Variants in PTPRZ1 observed in about 807,000 individuals in gnomAD.
PTPRZ1 encodes the protein protein tyrosine phosphatase receptor type Z1, also known as receptor-type tyrosine-protein phosphatase zeta.
PTPRZ1 carries 82 observed loss-of-function variants against 214.1 expected under a neutral mutation model. The observed-to-expected ratio is 0.38, with a 90% CI of 0.32 to 0.46. The LOEUF is 0.46. Ranked by LOEUF, PTPRZ1 falls within the 20% of genes least tolerant of loss-of-function variation. The pLI is 1.00. For missense variants in PTPRZ1, 2,603 were observed against 2,748.7 expected (o/e 0.95, Z 1.19); for synonymous variants, 945 against 987.9 (o/e 0.96, Z 0.81).
At chr7:121,976,746 G>T (rs1372702599) in intron 5 of PTPRZ1, 39 bp from the exon 6 acceptor site, 9 of 1,452,866 alleles carry the variant, frequency 6.2e-6, no homozygotes, top group Non-Finnish European at 8.5e-6. Flanking sequence ...TTATCCAAAT[G>T]TTTTATTCTT....
chr7:121,922,924 C>T (rs1367804295), intron 1 of PTPRZ1, among the ~76,000 whole-genome samples: 1 of 152,134 alleles, frequency 6.6e-6, no homozygotes, highest in Non-Finnish European at 1.5e-5. Flanking sequence ...ATATATGCAA[C>T]ATATGAAATA....
rs560991222 is a variant in PTPRZ1 at position 122,019,047 on chromosome 7, G to A, written c.4844-77G>A. The A allele has an allele frequency of 3.6e-4, 490 of 1,359,138 alleles. 3 individuals carry two copies. Among genetic ancestry groups the A allele is most frequent in the South Asian group, 2.4e-3 (173 of 73,342 alleles). 84.2% of individuals were successfully genotyped at this position (1,359,138 alleles called of 1,614,324 possible). ...AAGGTAAGTAACAGCAATGAAGGTT[G>A]CAATTAATCAGTTGAAAAATGCTGT... On this transcript the variant is annotated intron_variant, in intron 12 of 29. Coordinates refer to ENST00000393386, the MANE Select transcript of PTPRZ1 (RefSeq NM_002851.3).
intron 13 of PTPRZ1, among the ~76,000 whole-genome samples, chr7:122,023,674 T>C (rs1197903342): frequency 7.5e-6 from 1 of 133,206 alleles, no homozygotes; most frequent in African/African-American, 2.8e-5. Context: ...TATAATTTTA[T>C]ATATAATTTT....
rs775327532 is a variant in PTPRZ1 at position 122,011,618 on chromosome 7, G to A, written c.2572G>A (p.Ala858Thr). 1.9e-5 allele frequency: 30 copies of A among 1,613,932 alleles called. No homozygotes were observed. The highest frequency in any genetic ancestry group is 2.4e-5 in the Non-Finnish European group (28 of 1,180,012). Reference sequence around the variant, plus strand: ...CGAGAGTGATAAGGTGCCCTTGCATGCTTCTCTGCCAGTGGCTGGGGGTGA... The same window carrying A: ...CGAGAGTGATAAGGTGCCCTTGCATACTTCTCTGCCAGTGGCTGGGGGTGA... ...ATESDKVPLH[A>T]SLPVAGGDLL... The change falls in exon 12 of 30, where the codon GCT (alanine) becomes ACT (threonine). Residue 858 changes from alanine to threonine, a missense_variant. By Grantham distance (58) the Ala-to-Thr change is moderately conservative. This residue lies in a region of PTPRZ1 where 1,913 missense variants were observed against 1,914.3 expected (regional missense o/e 1.00). Transcript: ENST00000393386.
At chr7:121,918,855 A>AAT (rs1554429917) in intron 1 of PTPRZ1, among the ~76,000 whole-genome samples, 15 of 151,588 alleles carry the variant, frequency 9.9e-5, no homozygotes, top group African/African-American at 3.6e-4. Context: ...TTTCAAAAAA[A>AAT]ATCAATAAAT....
At chr7:122,040,085 C>G (rs1799675984) in intron 20 of PTPRZ1, among the ~76,000 whole-genome samples, 1 of 152,088 alleles carries the variant, frequency 6.6e-6, no homozygotes, top group Non-Finnish European at 1.5e-5. Context: ...TGGAGCCAGA[C>G]TGGTTTTGTT....
chr7:122,044,437 A>C lies in PTPRZ1; in HGVS notation c.5953A>C (p.Ile1985Leu). The change falls in exon 23 of 30, where the codon ATT (isoleucine) becomes CTT (leucine). Residue 1985 changes from isoleucine to leucine, a missense_variant. Ile to Leu is a conservative substitution (Grantham distance 5). This residue lies in a region of PTPRZ1 where 1,913 missense variants were observed against 1,914.3 expected (regional missense o/e 1.00). Transcript: ENST00000393386. ...LVQTEEQYVFIHDTLVEAILS... is the reference protein window; with the variant it reads ...LVQTEEQYVFLHDTLVEAILS... Reference sequence around the variant, plus strand: ...GTTTTGCCAGGAGCAATATGTCTTCATTCATGATACACTGGTTGAGGCCAT... The same window carrying C: ...GTTTTGCCAGGAGCAATATGTCTTCCTTCATGATACACTGGTTGAGGCCAT... 1 of 1,613,826 alleles carries C rather than the reference A, an allele frequency of 6.2e-7. No homozygotes were observed. The highest frequency in any genetic ancestry group is 1.1e-5 in the South Asian group (1 of 91,072).
Position 121,976,859 on chromosome 7 carries a change from A to G in PTPRZ1, c.619+8A>G, listed in dbSNP as rs1388803885. On this transcript the variant is annotated splice_region_variant and intron_variant, in intron 6 of 29. Transcript: ENST00000393386. ...AAAGTGTTAGTCGTTTTGGTAAGCT[A>G]CTTGGGGAACTATCTTTCTTCAGGA... The G allele has an allele frequency of 6.2e-7, 1 of 1,606,766 alleles. No homozygotes were observed. The highest frequency in any genetic ancestry group is 1.7e-5 in the Admixed American group (1 of 59,076).
At chr7:121,917,975 T>C (rs1328824359) in intron 1 of PTPRZ1, among the ~76,000 whole-genome samples, 1 of 152,070 alleles carries the variant, frequency 6.6e-6, no homozygotes, top group African/African-American at 2.4e-5. Context: ...TGAAGATCCA[T>C]TGAAAAATTA....
chr7:121,983,536 C>T, intron 6 of PTPRZ1, 129 bp from the exon 7 acceptor site: 1 of 917,388 alleles, frequency 1.1e-6, no homozygotes, highest in South Asian at 2.1e-5. Flanking sequence ...AAAAATATAT[C>T]TAAAATGTTT....
intron 1 of PTPRZ1, among the ~76,000 whole-genome samples, chr7:121,875,043 G>GA (rs10562894): frequency 3.6e-4 from 53 of 147,154 alleles, no homozygotes; most frequent in Non-Finnish European, 3.8e-4. Flanking sequence ...GGATCTCTTT[G>GA]AAAAAAAAAA....
chr7:121,972,768 A>C (rs1797297646), intron 4 of PTPRZ1, 76 bp downstream of exon 4: 2 of 1,161,294 alleles, frequency 1.7e-6, no homozygotes, highest in African/African-American at 3.2e-5. Context: ...TAATTTGATT[A>C]ATTTTAAAAT....
intron 1 of PTPRZ1, among the ~76,000 whole-genome samples, chr7:121,903,103 T>A (rs1795017792): frequency 2.0e-5 from 3 of 152,184 alleles, no homozygotes; most frequent in Admixed American, 6.6e-5. Context: ...AGAACAAGAC[T>A]GTCCAGTCCG....
chr7:121,966,537 A>G (rs1797051694), intron 2 of PTPRZ1, among the ~76,000 whole-genome samples: 1 of 152,172 alleles, frequency 6.6e-6, no homozygotes, highest in Non-Finnish European at 1.5e-5. Context: ...AATCCAAAAT[A>G]CACATCACTG....
chr7:122,058,473 T>G (rs17144057), intron 27 of PTPRZ1, among the ~76,000 whole-genome samples: 22,174 of 152,156 alleles, frequency 0.15, 1,871 homozygotes, highest in East Asian at 0.23. Flanking sequence ...TTTCCTTTTA[T>G]AAATTTGAAT....
chr7:121,874,452 G>A (rs927033961), intron 1 of PTPRZ1, among the ~76,000 whole-genome samples: 1 of 151,970 alleles, frequency 6.6e-6, no homozygotes, highest in African/African-American at 2.4e-5. Flanking sequence ...GAATATAATG[G>A]GTTTACGCAT....
chr7:122,027,842 C>T (rs925677334), intron 13 of PTPRZ1, among the ~76,000 whole-genome samples: 25 of 152,058 alleles, frequency 1.6e-4, no homozygotes, highest in Non-Finnish European at 3.7e-4. Flanking sequence ...TATTCATTCT[C>T]GAAACCCTCA....
intron 8 of PTPRZ1, among the ~76,000 whole-genome samples, chr7:121,985,883 C>T (rs186497029): frequency 1.2e-3 from 189 of 152,282 alleles, no homozygotes; most frequent in Admixed American, 3.7e-3. Context: ...ATCTCTGAGC[C>T]CCATAATGGA....
intron 1 of PTPRZ1, among the ~76,000 whole-genome samples, chr7:121,927,330 T>A (rs1795795534): frequency 6.6e-6 from 1 of 152,224 alleles, no homozygotes. Flanking sequence ...GTTAGTACAG[T>A]CAGGGATTAA....
Sources: allele counts gnomAD v4.1 joint callset (sites outside exome capture counted in the v4.1 genomes callset), GRCh38; gene constraint gnomAD v4.1.1; regional missense constraint gnomAD v4.1.1; transcripts MANE v1.5; gene names NCBI Gene and HGNC (gene_info 2026-07-23, HGNC 2026-07-21).